Variants in CUL9 observed in about 807,000 individuals in gnomAD.
CUL9 encodes the protein cullin-9.
CUL9 carries 79 observed loss-of-function variants against 272.6 expected under a neutral mutation model. The observed-to-expected ratio is 0.29, with a 90% CI of 0.24 to 0.35. CUL9 has a LOEUF of 0.35. Ranked by LOEUF, CUL9 falls within the 10% of genes least tolerant of loss-of-function variation. The probability of loss-of-function intolerance (pLI) is 1.00; values close to 1 mark genes in which losing one functional copy is unlikely to be tolerated. For synonymous variants in CUL9, 1,186 were observed against 1,286.5 expected, an observed-to-expected ratio of 0.92 and a Z score of 1.67; for missense variants, 2,532 against 3,255.6, an observed-to-expected ratio of 0.78 and a Z score of 5.41.
At chr6:43,182,402 A>G (rs753764795) in intron 1 of CUL9, among the ~76,000 whole-genome samples, 153 bp downstream of exon 1, 7 of 146,428 alleles carry the variant, frequency 4.8e-5, no homozygotes, top group Non-Finnish European at 7.5e-5. Context: ...CGCGCCCCCA[A>G]CCATCCTTCC....
rs1774325439 is a variant in CUL9, at chr6:43,199,388, AAGG to A, written c.3156+20_3156+22del. On this transcript the variant is annotated intron_variant, in intron 13 of 40. Transcript: ENST00000252050. The surrounding 1 kb of genome is among the most constrained non-coding windows in gnomAD (Gnocchi z 4.4). The stretch of plus-strand genomic sequence containing the variant: ...GACTCCGAGGTACCAGAACCCTGGC[AAGG>A]AGAAGAGAGGGAAGGGCAGCATCTG... The A allele has an allele frequency of 6.3e-7, 1 of 1,599,168 alleles. No individual in the cohort carries two copies. Among genetic ancestry groups the A allele is most frequent in the Non-Finnish European group, 8.6e-7 (1 of 1,167,170 alleles).
chr6:43,209,903 C>G (rs887286121), intron 26 of CUL9, among the ~76,000 whole-genome samples: 4 of 152,128 alleles, frequency 2.6e-5, no homozygotes, highest in Non-Finnish European at 5.9e-5. Flanking sequence ...GCCTCAGCCT[C>G]CCAAAGTGCT....
chr6:43,189,629 C>T (rs1286455552), intron 8 of CUL9, among the ~76,000 whole-genome samples: 4 of 151,924 alleles, frequency 2.6e-5, no homozygotes, highest in African/African-American at 7.3e-5. Context: ...CTGCAACCTC[C>T]GCCTCCTGGG....
chr6:43,197,767 C>T (rs1056525588), intron 11 of CUL9, among the ~76,000 whole-genome samples: 1 of 152,178 alleles, frequency 6.6e-6, no homozygotes. Flanking sequence ...GAGGCGTGAG[C>T]CACTGTGCCT....
chr6:43,204,645 G>T, intron 21 of CUL9, 103 bp from the exon 22 acceptor site: 1 of 1,580,694 alleles, frequency 6.3e-7, no homozygotes, highest in Non-Finnish European at 8.6e-7. Flanking sequence ...GCCTTTCCAG[G>T]CCCCTGAGAC....
In CUL9 at chr6:43,184,216, C is replaced by G; in HGVS notation, c.-9-86C>G. ...CATGCAGCCTACCGATCACCACCCA[C>G]CTTCTCTGTGTCTCAAGATTCCACC... On this transcript the variant is annotated intron_variant, in intron 1 of 40. Coordinates refer to ENST00000252050, the MANE Select transcript of CUL9 (RefSeq NM_015089.4). This position sits in a 1 kb window ranked among gnomAD's most constrained non-coding sequence, Gnocchi z 4.8. 9.3e-7 allele frequency: 1 copy of G among 1,080,634 alleles called. No individual in the cohort carries two copies. The highest frequency in any genetic ancestry group is 1.3e-6 in the Non-Finnish European group (1 of 787,668). 66.9% of individuals were successfully genotyped at this position (1,080,634 alleles called of 1,614,324 possible).
In CUL9 at chr6:43,223,463, C is replaced by A; in HGVS notation, c.7284+66C>A. 13 of 1,520,338 alleles carry A rather than the reference C, an allele frequency of 8.6e-6. No homozygotes were observed. The highest frequency in any genetic ancestry group is 1.1e-5 in the Non-Finnish European group (12 of 1,124,526). The allele number at this position is 1,520,338 out of a possible 1,614,324, so 94.2% of individuals were successfully genotyped here. On this transcript the variant is annotated intron_variant, in intron 39 of 40. Transcript: ENST00000252050. This position sits in a 1 kb window ranked among gnomAD's most constrained non-coding sequence, Gnocchi z 4.1. ...GGGAGTTGAGGTCCTCCTGTCCCAGCACAGCCCCTGCCCTGGGGCGAGTCC... is the reference window on the plus strand; with the variant it reads ...GGGAGTTGAGGTCCTCCTGTCCCAGAACAGCCCCTGCCCTGGGGCGAGTCC...
At chr6:43,208,081 C>T (rs539257113) in intron 26 of CUL9, among the ~76,000 whole-genome samples, 43 of 152,280 alleles carry the variant, frequency 2.8e-4, no homozygotes, top group Middle Eastern at 3.4e-3. Flanking sequence ...GAACTTTCTG[C>T]AATGATTGAA....
At position 43,198,813 on chromosome 6, in the gene CUL9, A is replaced by G. The variant is rs1774249197; in HGVS notation, c.3008A>G (p.Asp1003Gly). 2 of 1,613,698 alleles carry G rather than the reference A, an allele frequency of 1.2e-6. No individual in the cohort carries two copies. Among genetic ancestry groups the G allele is most frequent in the Non-Finnish European group, 1.7e-6 (2 of 1,180,010 alleles). Residue 1003 changes from aspartate (D) to glycine (G), a missense_variant, in exon 12 of 41, where the codon GAT (aspartate) becomes GGT (glycine). By Grantham distance (94) the Asp-to-Gly change is moderately conservative. Around this residue, in one of 3 missense-constraint regions of CUL9, gnomAD observed 2,218 missense variants for 2,788.6 expected, o/e 0.80. Transcript: ENST00000252050. ...TTCCTCCTGTTGCTGCGGACTCTGG[A>G]TGCTCCGGGGCCCAACAAGACTCTG... ...QPFLLLLRTL[D>G]APGPNKTLLL...
intron 12 of CUL9, 84 bp downstream of exon 12, chr6:43,198,939 C>CT (rs540298989): frequency 0.17 from 209,282 of 1,196,782 alleles, 620 homozygotes; most frequent in East Asian, 0.19. Flanking sequence ...TTTCTGTTTT[C>CT]TTTTTTTTTT....
chr6:43,204,315 C>T, intron 20 of CUL9, 45 bp from the exon 21 acceptor site: 1 of 1,601,236 alleles, frequency 6.2e-7, no homozygotes, highest in Non-Finnish European at 8.5e-7. Flanking sequence ...GCTGTCTGTT[C>T]TCCCATCTCC....
At chr6:43,186,518 C>T (rs1772931430) in intron 4 of CUL9, 63 bp downstream of exon 4, 2 of 1,531,760 alleles carry the variant, frequency 1.3e-6, no homozygotes, top group African/African-American at 2.8e-5. Flanking sequence ...GTAGCTGGGA[C>T]TTCATAAGGA....
rs1246714521 is a variant in CUL9, at chr6:43,199,127, G to T, written c.3051-139G>T. The T allele has an allele frequency of 3.8e-6, 3 of 782,408 alleles. No individual in the cohort carries two copies. 48.5% of individuals were successfully genotyped at this position (782,408 alleles called of 1,614,324 possible). ...AATTTTGTATTTTTAGTAGAGATGGGGTTTCTCCATTTTGGTCAGGCTGGT... is the reference window on the plus strand; with the variant it reads ...AATTTTGTATTTTTAGTAGAGATGGTGTTTCTCCATTTTGGTCAGGCTGGT... On this transcript the variant is annotated intron_variant, in intron 12 of 40. Transcript: ENST00000252050. This position sits in a 1 kb window ranked among gnomAD's most constrained non-coding sequence, Gnocchi z 4.4.
In CUL9 at chr6:43,210,299, T is replaced by C. The variant is rs142510824; in HGVS notation, c.5213-2850T>C. 5.9e-5 allele frequency among the ~76,000 whole-genome samples: 9 copies of C among 152,314 alleles called. No individual in the cohort carries two copies. In the East Asian group the frequency reaches 1.7e-3, roughly 29 times the overall value. ...CCGACATTTTTAAAATGGTTCCTTG[T>C]TTTAAGTTTGTATGATATTTCCTTG... is the stretch of plus-strand genomic sequence containing the variant. On this transcript the variant is annotated intron_variant, in intron 26 of 40. Transcript: ENST00000252050.
chr6:43,204,261 C>T, intron 20 of CUL9, 99 bp from the exon 21 acceptor site: 1 of 1,450,770 alleles, frequency 6.9e-7, no homozygotes. Context: ...CACTACCCCT[C>T]AAGCCTTTTT....
chr6:43,187,740 A>G lies in CUL9; in HGVS notation c.1609A>G (p.Ile537Val). 6.2e-7 allele frequency: 1 copy of G among 1,612,772 alleles called. No homozygotes were observed. The highest frequency in any genetic ancestry group is 8.5e-7 in the Non-Finnish European group (1 of 1,179,904). The change falls in exon 7 of 41, where the codon ATC becomes GTC. Residue 537 changes from isoleucine to valine, a missense_variant. Ile to Val is a conservative substitution (Grantham distance 29). Around this residue, in one of 3 missense-constraint regions of CUL9, gnomAD observed 2,218 missense variants for 2,788.6 expected, o/e 0.80. Coordinates refer to ENST00000252050, the MANE Select transcript of CUL9 (RefSeq NM_015089.4). ...ETLGEKALGE[I>V]SVSVEMAESL... Reference sequence around the variant, plus strand: ...CCTGGGTGAAAAGGCCCTAGGTGAGATCTCTGTGTCCGTGGAAATGGCCGA... The same window carrying G: ...CCTGGGTGAAAAGGCCCTAGGTGAGGTCTCTGTGTCCGTGGAAATGGCCGA...
chr6:43,209,673 C>T (rs1775323127), intron 26 of CUL9, among the ~76,000 whole-genome samples: 1 of 151,214 alleles, frequency 6.6e-6, no homozygotes, highest in African/African-American at 2.4e-5. Flanking sequence ...TGAGACAGAG[C>T]CTTGCACTGT....
chr6:43,220,845 C>T lies in CUL9; in HGVS notation c.6522C>T (p.Gly2174=), dbSNP rs1776305714. 1 of 1,613,670 alleles carries T rather than the reference C, an allele frequency of 6.2e-7. No individual in the cohort carries two copies. The highest frequency in any genetic ancestry group is 2.2e-5 in the East Asian group (1 of 44,874). ...GCGACCGCATCCTGTGCCGCCAGGG[C>T]CTGGGCTGTGGGACCACCTGCTCCA... The part of the protein sequence containing the change: ...QGCDRILCRQ[G]LGCGTTCSKC... The change falls in exon 33 of 41, where the codon GGC becomes GGT. Residue 2174 remains glycine (G), a synonymous_variant. Transcript: ENST00000252050. The surrounding 1 kb of genome is among the most constrained non-coding windows in gnomAD (Gnocchi z 4.9).
rs187076655 is a variant in CUL9 at position 43,196,058 on chromosome 6, C to G, written c.2389-11C>G. 5.1e-3 allele frequency: 8,181 copies of G among 1,604,514 alleles called. 46 individuals are homozygous for G. The highest frequency in any genetic ancestry group is 5.7e-3 in the Non-Finnish European group (6,668 of 1,173,204). On this transcript the variant is annotated splice_polypyrimidine_tract_variant and intron_variant, in intron 9 of 40. Coordinates refer to ENST00000252050, the MANE Select transcript of CUL9 (RefSeq NM_015089.4). ...CCCCCTCCTCACTCTGCTTTCACAT[C>G]CCCCTCACAGGCACTGAAGATGCTG...
Sources: allele counts gnomAD v4.1 joint callset (sites outside exome capture counted in the v4.1 genomes callset), GRCh38; gene constraint gnomAD v4.1.1; regional missense constraint gnomAD v4.1.1; non-coding constraint Gnocchi (gnomAD v3.1); transcripts MANE v1.5; gene names NCBI Gene and HGNC (gene_info 2026-07-23, HGNC 2026-07-21).